CCDC77: variants seen among roughly 807,000 people sequenced by gnomAD.
The protein encoded by CCDC77 is coiled-coil domain containing 77.
In CCDC77, 56 loss-of-function variants were observed where a neutral mutation model predicts 66.8. The ratio of observed to expected loss-of-function variants is 0.84; its 90% CI spans 0.68 to 1.05. The LOEUF (loss-of-function observed/expected upper bound fraction) is 1.05, where lower values mean the gene tolerates loss of function less well. Among genes scored for constraint, CCDC77 ranks in the 50% least tolerant of loss-of-function variants. CCDC77 has a pLI of 0.00. For synonymous variants in CCDC77, 196 were observed against 195.2 expected (o/e 1.00, Z -0.03); for missense variants, 570 against 576.8 (o/e 0.99, Z 0.12).
chr12:415,509 T>C (rs1344880517), intron 4 of CCDC77, among the ~76,000 whole-genome samples: 2 of 147,200 alleles, frequency 1.4e-5, no homozygotes, highest in African/African-American at 5.0e-5. Flanking sequence ...ATTAACATAA[T>C]ATGTTAATAT....
chr12:415,588 A>G (rs916839792), intron 4 of CCDC77, among the ~76,000 whole-genome samples: 1 of 150,202 alleles, frequency 6.7e-6, no homozygotes, highest in Non-Finnish European at 1.5e-5. Context: ...AAAATGTAAT[A>G]AATATTTTTA....
At chr12:423,476 T>TTTTTTG (rs747647628) in intron 5 of CCDC77, among the ~76,000 whole-genome samples, 1 of 28,054 alleles carries the variant, frequency 3.6e-5, no homozygotes, top group African/African-American at 1.1e-4. Context: ...TTGTGTTTTT[T>TTTTTTG]GTGTTTTTTT....
chr12:416,981 A>G (rs538511720), intron 4 of CCDC77, among the ~76,000 whole-genome samples: 10 of 152,194 alleles, frequency 6.6e-5, no homozygotes, highest in Admixed American at 1.3e-4. Flanking sequence ...TCTATTAAAA[A>G]TACAAAAATT....
chr12:431,212 C>CTT (rs61068771), intron 7 of CCDC77, among the ~76,000 whole-genome samples: 152 of 115,736 alleles, frequency 1.3e-3, no homozygotes, highest in East Asian at 2.2e-3. Flanking sequence ...TTGCTCAGTT[C>CTT]TTTTTTTTTT....
At chr12:407,622 A>G (rs941017875) in intron 2 of CCDC77, among the ~76,000 whole-genome samples, 9 of 152,176 alleles carry the variant, frequency 5.9e-5, no homozygotes, top group African/African-American at 2.2e-4. Flanking sequence ...AAAGGGGACA[A>G]CCAGGAAGAG....
At chr12:436,168 A>AGT (rs371579655) in intron 9 of CCDC77, among the ~76,000 whole-genome samples, 1 of 131,004 alleles carries the variant, frequency 7.6e-6, no homozygotes, top group Non-Finnish European at 1.5e-5. Flanking sequence ...TCCAGGCTGG[A>AGT]GTGCAGTGGC....
chr12:412,291 A>G (rs1945127553), intron 4 of CCDC77, among the ~76,000 whole-genome samples: 1 of 152,142 alleles, frequency 6.6e-6, no homozygotes, highest in African/African-American at 2.4e-5. Context: ...AGTGCTGTAT[A>G]TAGCTCTGAT....
At chr12:394,862 A>T (rs1371762454) in intron 1 of CCDC77, among the ~76,000 whole-genome samples, 1 of 152,240 alleles carries the variant, frequency 6.6e-6, no homozygotes, top group Non-Finnish European at 1.5e-5. Flanking sequence ...TCTATGTGCC[A>T]GGCACTCTTC....
chr12:390,801 C>G (rs536045373), intron 1 of CCDC77, among the ~76,000 whole-genome samples: 26 of 151,942 alleles, frequency 1.7e-4, no homozygotes, highest in Non-Finnish European at 3.5e-4. Flanking sequence ...GTGAATACAT[C>G]TAGGGTTGGA....
At chr12:416,399 A>ATATATG (rs1555144603) in intron 4 of CCDC77, among the ~76,000 whole-genome samples, 7 of 53,888 alleles carry the variant, frequency 1.3e-4, no homozygotes, top group African/African-American at 4.3e-4. Flanking sequence ...ATATATATAT[A>ATATATG]TATATATATA....
At chr12:393,262 C>A in intron 1 of CCDC77, among the ~76,000 whole-genome samples, 1 of 152,110 alleles carries the variant, frequency 6.6e-6, no homozygotes, top group East Asian at 1.9e-4. Context: ...AGGTGTGCAT[C>A]GTTATGCCCA....
In CCDC77 at chr12:430,755, A is replaced by T; in HGVS notation, c.583+19A>T. The T allele has an allele frequency of 6.3e-7, 1 of 1,587,526 alleles. No homozygotes were observed. The highest frequency in any genetic ancestry group is 8.7e-7 in the Non-Finnish European group (1 of 1,155,810). ...AAAGCAGGTAACAACCATATAACCT[A>T]TTAGAAATTCTCATCAATGCAGAAT... is the stretch of plus-strand genomic sequence containing the variant. On this transcript the variant is annotated intron_variant, in intron 7 of 12. Coordinates refer to ENST00000239830, the MANE Select transcript of CCDC77 (RefSeq NM_032358.4).
intron 3 of CCDC77, among the ~76,000 whole-genome samples, chr12:411,076 A>G (rs1177898483): frequency 6.6e-6 from 1 of 151,914 alleles, no homozygotes; most frequent in Non-Finnish European, 1.5e-5. Context: ...CTGTGCCACC[A>G]TTCCTGGCTC....
At chr12:408,239 CTTCT>C (rs1319177587) in intron 2 of CCDC77, among the ~76,000 whole-genome samples, 1 of 152,126 alleles carries the variant, frequency 6.6e-6, no homozygotes, top group African/African-American at 2.4e-5. Flanking sequence ...TCCCTCTCTC[CTTCT>C]GTCTCTGTCA....
intron 4 of CCDC77, 124 bp from the exon 5 acceptor site, chr12:418,370 T>G (rs977821244): frequency 2.2e-6 from 2 of 908,796 alleles, no homozygotes; most frequent in African/African-American, 3.4e-5. Flanking sequence ...GTCATTTGAA[T>G]TCTGTATTGG....
intron 1 of CCDC77, among the ~76,000 whole-genome samples, chr12:391,437 A>G (rs1944754323): frequency 6.6e-6 from 1 of 152,154 alleles, no homozygotes; most frequent in Non-Finnish European, 1.5e-5. Context: ...CCTAGGCAAG[A>G]AGAGTGAGAC....
Position 442,577 on chromosome 12 carries a change from A to G in CCDC77, c.*657A>G, listed in dbSNP as rs1018559480. 1 of 152,332 alleles carries G rather than the reference A, an allele frequency of 6.6e-6. No individual in the cohort carries two copies. The highest frequency in any genetic ancestry group is 2.1e-4 in the South Asian group (1 of 4,822). 9.4% of individuals were successfully genotyped at this position (152,332 alleles called of 1,614,324 possible). A position where few individuals can be genotyped will look rare whatever the true frequency, so the allele number is the denominator to read the frequency against. On this transcript the variant is annotated 3_prime_UTR_variant, in exon 13 of 13. Coordinates refer to ENST00000239830, the MANE Select transcript of CCDC77 (RefSeq NM_032358.4). The stretch of plus-strand genomic sequence containing the variant: ...AAAGTTTGATATTTTTATCAGTCAC[A>G]TGGCTTTTGAAAAATGATGTATATA...
upstream of CCDC77, among the ~76,000 whole-genome samples, chr12:397,922 A>G (rs1944849641): frequency 6.6e-6 from 1 of 152,170 alleles, no homozygotes; most frequent in African/African-American, 2.4e-5. Flanking sequence ...CTGGGATTAC[A>G]GGCGTGAGCC....
intron 2 of CCDC77, among the ~76,000 whole-genome samples, chr12:407,890 C>T (rs1355615580): frequency 4.0e-5 from 6 of 150,636 alleles, no homozygotes; most frequent in Non-Finnish European, 8.8e-5. Flanking sequence ...CAGGTTCACG[C>T]CACTCTCCTG....
Sources: gnomAD v4.1 joint callset for allele counts (sites outside exome capture counted in the v4.1 genomes callset) on GRCh38, gnomAD v4.1.1 for gene constraint, MANE v1.5 for transcripts, NCBI Gene and HGNC (gene_info 2026-07-23, HGNC 2026-07-21) for gene names.